Variants in PLEKHA6 observed in about 807,000 individuals in gnomAD.
PLEKHA6 encodes pleckstrin homology domain containing A6.
PLEKHA6 carries 60 observed loss-of-function variants against 116.7 expected under a neutral mutation model. That is an observed-to-expected ratio of 0.51 (90% CI 0.42 to 0.64). The LOEUF is 0.64. PLEKHA6 is among the 30% of genes least tolerant of loss of function. PLEKHA6 has a pLI of 0.00. For synonymous variants in PLEKHA6, 489 were observed against 556.1 expected, an observed-to-expected ratio of 0.88 and a Z score of 1.70; for missense variants, 1,338 against 1,422.7, an observed-to-expected ratio of 0.94 and a Z score of 0.96.
intron 1 of PLEKHA6, among the ~76,000 whole-genome samples, chr1:204,321,184 G>A (rs540736854): frequency 6.6e-6 from 1 of 152,184 alleles, no homozygotes; most frequent in East Asian, 1.9e-4. Flanking sequence ...CACCACTCAG[G>A]GGAAGCCAAA....
At chr1:204,304,408 G>A (rs1671099502) in intron 1 of PLEKHA6, among the ~76,000 whole-genome samples, 1 of 152,222 alleles carries the variant, frequency 6.6e-6, no homozygotes, top group Non-Finnish European at 1.5e-5. Context: ...AAAGATGGTA[G>A]TGACAAGATC....
intron 13 of PLEKHA6, 121 bp from the exon 14 acceptor site, chr1:204,245,847 T>TACAC (rs58927549): frequency 2.2e-4 from 123 of 551,940 alleles, no homozygotes; most frequent in Middle Eastern, 6.8e-4. Flanking sequence ...GCACCCTGTG[T>TACAC]ACACACACAC....
At position 204,281,954 on chromosome 1, in the gene PLEKHA6, C is replaced by T. The variant is rs527289926; in HGVS notation, c.-94-7145G>A. Among the ~76,000 whole-genome samples, 6 of 152,254 alleles carry T rather than the reference C, an allele frequency of 3.9e-5. No homozygotes were observed. The East Asian group carries it at 5.8e-4, about 15-fold the overall frequency. On this transcript the variant is annotated intron_variant, in intron 1 of 22. Coordinates refer to ENST00000272203, the MANE Select transcript of PLEKHA6 (RefSeq NM_014935.5). ...GTTATGGAAGGCTGGGGGCCTTCTA[C>T]GTGAGCTCAGCTCCCACCACAGGCA...
chr1:204,359,971 C>T (rs922609857), upstream of PLEKHA6: 1 of 152,542 alleles, frequency 6.6e-6, no homozygotes, highest in African/African-American at 2.4e-5. Context: ...CCGGGGATTT[C>T]AGGGCCACGT....
At chr1:204,372,706 T>C (rs2103417371) in intron 1 of PLEKHA6, among the ~76,000 whole-genome samples, 1 of 152,254 alleles carries the variant, frequency 6.6e-6, no homozygotes, top group South Asian at 2.1e-4. Context: ...AGATAATGAA[T>C]TCCCAAACTT....
At chr1:204,237,308 A>G (rs1289281217) in intron 17 of PLEKHA6, among the ~76,000 whole-genome samples, 1 of 152,216 alleles carries the variant, frequency 6.6e-6, no homozygotes, top group Non-Finnish European at 1.5e-5. Context: ...GGTGAGGGCT[A>G]TGATGGTGGG....
chr1:204,295,519 A>C (rs1670188636), intron 1 of PLEKHA6, among the ~76,000 whole-genome samples: 1 of 151,698 alleles, frequency 6.6e-6, no homozygotes, highest in Admixed American at 6.6e-5. Context: ...ACAAAAAAAA[A>C]ATTCTAGTGC....
At chr1:204,247,682 A>T (rs1278112080) in intron 12 of PLEKHA6, among the ~76,000 whole-genome samples, 1 of 152,182 alleles carries the variant, frequency 6.6e-6, no homozygotes, top group East Asian at 1.9e-4. Flanking sequence ...AACTGAAATA[A>T]AGAGAAAATG....
intron 1 of PLEKHA6, among the ~76,000 whole-genome samples, chr1:204,335,044 T>C (rs976809016): frequency 5.3e-5 from 8 of 152,156 alleles, no homozygotes; most frequent in African/African-American, 1.9e-4. Context: ...TTTGTACCCT[T>C]TGACCAATGT....
At chr1:204,359,123 G>A (rs1256004549) in intron 1 of PLEKHA6, among the ~76,000 whole-genome samples, 1 of 151,942 alleles carries the variant, frequency 6.6e-6, no homozygotes, top group Admixed American at 6.6e-5. Flanking sequence ...TCCTTCAAGA[G>A]CTCCCCACTA....
In PLEKHA6 at chr1:204,259,842, G is replaced by C; in HGVS notation, c.525-102C>G. The C allele has an allele frequency of 7.7e-7, 1 of 1,291,344 alleles. No homozygotes were observed. Among genetic ancestry groups the C allele is most frequent in the Non-Finnish European group, 1.1e-6 (1 of 951,258 alleles). The allele number at this position is 1,291,344 out of a possible 1,614,324, so 80.0% of individuals were successfully genotyped here. A position where few individuals can be genotyped will look rare whatever the true frequency, so the allele number is the denominator to read the frequency against. On this transcript the variant is annotated intron_variant, in intron 7 of 22. Transcript: ENST00000272203. The surrounding 1 kb of genome is among the most constrained non-coding windows in gnomAD (Gnocchi z 4.6). ...GAAGAGGAGTGGGGAAGGATGGGCA[G>C]GGAGGTGGCTGGAACCAGGATTCTA... is the stretch of plus-strand genomic sequence containing the variant.
intron 1 of PLEKHA6, chr1:204,346,970 TAATGTGCTC>T: frequency 8.1e-7 from 1 of 1,239,540 alleles, no homozygotes; most frequent in Non-Finnish European, 1.2e-6. Context: ...TTAGAGTGCT[TAATGTGCTC>T]AATACGCACA....
At chr1:204,295,701 G>C (rs1318554271) in intron 1 of PLEKHA6, among the ~76,000 whole-genome samples, 1 of 152,052 alleles carries the variant, frequency 6.6e-6, no homozygotes, top group African/African-American at 2.4e-5. Flanking sequence ...AAGGCTGCCT[G>C]CTCATCTGAA....
Position 204,314,893 on chromosome 1 carries a change from C to T in PLEKHA6, c.-94-40084G>A, listed in dbSNP as rs929083242. On this transcript the variant is annotated intron_variant, in intron 1 of 22. Coordinates refer to ENST00000272203, the MANE Select transcript of PLEKHA6 (RefSeq NM_014935.5). Reference sequence around the variant, plus strand: ...TCTAGGTCTTCTAATTCCACAGGGGCTTCAGTGACTCCAAATCCAACCCCT... The same window carrying T: ...TCTAGGTCTTCTAATTCCACAGGGGTTTCAGTGACTCCAAATCCAACCCCT... Among the ~76,000 whole-genome samples, 8 of 152,174 alleles carry T rather than the reference C, an allele frequency of 5.3e-5. No homozygotes were observed. The East Asian group carries it at 9.6e-4, about 18-fold the overall frequency.
chr1:204,292,510 G>GTGTCCCTCCCCCTGGCTGACGCCCACCTA (rs1669871192), intron 1 of PLEKHA6, among the ~76,000 whole-genome samples: 1 of 150,702 alleles, frequency 6.6e-6, no homozygotes, highest in Non-Finnish European at 1.5e-5. Context: ...ATACCCACCT[G>GTGTCCCTCCCCCTGGCTGACGCCCACCTA]TGTCCCTCAC....
rs1200989978 is a variant in PLEKHA6, at chr1:204,234,391, T to C, written c.2410-3805A>G. The stretch of plus-strand genomic sequence containing the variant: ...ACAACTGTGACAGAATAAGTTTCTA[T>C]TGTTTTAAGCCTCCTGGTTTGTGGT... On this transcript the variant is annotated intron_variant, in intron 17 of 22. Transcript: ENST00000272203. Among the ~76,000 whole-genome samples the C allele has an allele frequency of 2.0e-5, 3 of 152,202 alleles. 1 individual carries two copies. The highest frequency in any genetic ancestry group is 4.4e-5 in the Non-Finnish European group (3 of 68,038).
intron 7 of PLEKHA6, among the ~76,000 whole-genome samples, chr1:204,260,576 C>T (rs757545589): frequency 6.6e-6 from 1 of 152,182 alleles, no homozygotes; most frequent in Non-Finnish European, 1.5e-5. Context: ...CAATTTTCCC[C>T]CTACAGCTTC....
chr1:204,348,778 G>C (rs1315423874), intron 1 of PLEKHA6, among the ~76,000 whole-genome samples: 1 of 140,534 alleles, frequency 7.1e-6, no homozygotes, highest in Non-Finnish European at 1.5e-5. Flanking sequence ...ACACTTGGCA[G>C]ACATCCTGCT....
At chr1:204,368,892 C>T (rs1044755447) in intron 2 of PLEKHA6, 4 of 152,356 alleles carry the variant, frequency 2.6e-5, no homozygotes. Context: ...TGAAGTCTTA[C>T]GAAGCATAGC....
Sources: gnomAD v4.1 joint callset for allele counts (sites outside exome capture counted in the v4.1 genomes callset) on GRCh38, gnomAD v4.1.1 for gene constraint, Gnocchi (gnomAD v3.1) non-coding constraint, MANE v1.5 for transcripts, NCBI Gene and HGNC (gene_info 2026-07-23, HGNC 2026-07-21) for gene names.